Variants in ZNF335 observed in about 807,000 individuals in gnomAD.
The protein encoded by ZNF335 is NRC-interacting factor 1.
Under a neutral mutation model 145.6 loss-of-function variants are expected in ZNF335, and 84 were observed. The observed-to-expected ratio is 0.58, with a 90% CI of 0.48 to 0.69. The LOEUF (loss-of-function observed/expected upper bound fraction) is 0.69. ZNF335 is among the 30% of genes least tolerant of loss of function. The pLI, the probability that ZNF335 is intolerant of heterozygous loss-of-function variation, is 0.00. For missense variants in ZNF335, 1,865 were observed against 1,809.7 expected (o/e 1.03, Z -0.55); for synonymous variants, 761 against 717.0 (o/e 1.06, Z -0.98).
In ZNF335 at chr20:45,952,068, G is replaced by A. The variant is rs867263604; in HGVS notation, c.3189+79C>T. Reference sequence around the variant, plus strand: ...GGAGAGCAGAGGATCTGGCTTGAAAGGGCACTCATTAAAGGTTTGTTATAC... The same window carrying A: ...GGAGAGCAGAGGATCTGGCTTGAAAAGGCACTCATTAAAGGTTTGTTATAC... On this transcript the variant is annotated intron_variant, in intron 20 of 27. Transcript: ENST00000322927. 4 of 1,501,628 alleles carry A rather than the reference G, an allele frequency of 2.7e-6. No homozygotes were observed. In the South Asian group the frequency reaches 4.1e-5, roughly 15 times the overall value. 93.0% of individuals were successfully genotyped at this position (1,501,628 alleles called of 1,614,324 possible).
chr20:45,972,139 A>C lies in ZNF335; in HGVS notation c.-68T>G, dbSNP rs1278023710. On this transcript the variant is annotated 5_prime_UTR_variant, in exon 1 of 28. Coordinates refer to ENST00000322927, the MANE Select transcript of ZNF335 (RefSeq NM_022095.4). ...AAGCTCACCCGAGGCTTTCGTAGCC[A>C]CGTTCCTCTCTGACTCCGGCATCGA... is the stretch of plus-strand genomic sequence containing the variant. 2.3e-6 allele frequency: 3 copies of C among 1,289,238 alleles called. No individual in the cohort carries two copies. The highest frequency in any genetic ancestry group is 2.0e-6 in the Non-Finnish European group (2 of 988,664). 79.9% of individuals were successfully genotyped at this position (1,289,238 alleles called of 1,614,324 possible).
chr20:45,949,642 A>G lies in ZNF335; in HGVS notation c.3670-74T>C. Reference sequence around the variant, plus strand: ...TCGCCAGGAGCTTAGCTAAGAAGGCAGAGTGGAAGACTAGGAACAGCCACC... The same window carrying G: ...TCGCCAGGAGCTTAGCTAAGAAGGCGGAGTGGAAGACTAGGAACAGCCACC... On this transcript the variant is annotated intron_variant, in intron 24 of 27. Coordinates refer to ENST00000322927, the MANE Select transcript of ZNF335 (RefSeq NM_022095.4). 3.3e-6 allele frequency: 5 copies of G among 1,494,136 alleles called. No homozygotes were observed. The South Asian group carries it at 6.0e-5, about 18-fold the overall frequency. The allele number at this position is 1,494,136 out of a possible 1,614,324, so 92.6% of individuals were successfully genotyped here.
At chr20:45,960,409 G>A (rs1337436662) in intron 13 of ZNF335, 40 bp downstream of exon 13, 2 of 1,614,122 alleles carry the variant, frequency 1.2e-6, no homozygotes, top group East Asian at 2.2e-5. Context: ...TAATGAGCTG[G>A]GGACTGCTCC....
At chr20:45,957,777 CCCTGCCCAACTCAGAGGT>C in intron 16 of ZNF335, 40 bp downstream of exon 16, 1 of 1,606,398 alleles carries the variant, frequency 6.2e-7, no homozygotes. Flanking sequence ...CACGACCTGC[CCCTGCCCAACTCAGAGGT>C]CCTACCCTCC....
At chr20:45,963,241 C>A (rs985802338) in intron 9 of ZNF335, among the ~76,000 whole-genome samples, 1 of 152,184 alleles carries the variant, frequency 6.6e-6, no homozygotes, top group Non-Finnish European at 1.5e-5. Flanking sequence ...TGCACTGTGC[C>A]GCCTGCAAAA....
At chr20:45,964,311 C>T (rs2083909469) in intron 7 of ZNF335, 1 of 269,792 alleles carries the variant, frequency 3.7e-6, no homozygotes, top group Admixed American at 4.9e-5. Flanking sequence ...AAAGCCATTC[C>T]TCTCCCGGAG....
At chr20:45,961,871 A>G (rs1341171646) in intron 10 of ZNF335, 199 bp downstream of exon 10, 4 of 506,312 alleles carry the variant, frequency 7.9e-6, no homozygotes, top group Non-Finnish European at 1.4e-5. Flanking sequence ...TGAGCTGGGG[A>G]CCTCAAGGCC....
Position 45,963,885 on chromosome 20 carries a change from A to G in ZNF335, c.1208T>C (p.Met403Thr), listed in dbSNP as rs780755148. Residue 403 changes from methionine to threonine, a missense_variant, in exon 8 of 28, where the codon ATG becomes ACG. Coordinates refer to ENST00000322927, the MANE Select transcript of ZNF335 (RefSeq NM_022095.4). ...SSSGPGHLVA[M>T]GKVSRTPVEA... is the part of the protein sequence containing the mutation. ...CACAGGGGTCCTGCTCACCTTGCCC[A>G]TGGCCACCAGGTGTCCTGGGCCTGA... 5 of 1,604,542 alleles carry G rather than the reference A, an allele frequency of 3.1e-6. No individual in the cohort carries two copies. The highest frequency in any genetic ancestry group is 2.6e-6 in the Non-Finnish European group (3 of 1,174,148).
intron 4 of ZNF335, 104 bp downstream of exon 4, chr20:45,968,181 T>C (rs7352092): frequency 2.0e-6 from 3 of 1,506,616 alleles, no homozygotes; most frequent in Admixed American, 1.7e-5. Flanking sequence ...CCCAGAGCAG[T>C]GGATACCCAG....
chr20:45,953,717 C>T lies in ZNF335; in HGVS notation c.2674G>A (p.Gly892Arg). Residue 892 changes from glycine to arginine, a missense_variant, in exon 18 of 28, where the codon GGA becomes AGA. Coordinates refer to ENST00000322927, the MANE Select transcript of ZNF335 (RefSeq NM_022095.4). Reference sequence around the variant, plus strand: ...TAAGGTGTGCCAGGAGCTGATGTTCCCTCCTCCATAGGGGGTGCTGTGATG... The same window carrying T: ...TAAGGTGTGCCAGGAGCTGATGTTCTCTCCTCCATAGGGGGTGCTGTGATG... ...SVITAPPMEEGTSAPGTPYSE... is the reference protein window; with the variant it reads ...SVITAPPMEERTSAPGTPYSE... 6.2e-7 allele frequency: 1 copy of T among 1,614,084 alleles called. No individual in the cohort carries two copies. Among genetic ancestry groups the T allele is most frequent in the Non-Finnish European group, 8.5e-7 (1 of 1,180,000 alleles).
At position 45,952,389 on chromosome 20, in the gene ZNF335, C is replaced by T. The variant is rs781707819; in HGVS notation, c.2947G>A (p.Val983Ile). 9.4e-6 allele frequency: 15 copies of T among 1,600,022 alleles called. No homozygotes were observed. Among genetic ancestry groups the T allele is most frequent in the South Asian group, 3.4e-5 (3 of 89,468 alleles). The change falls in exon 20 of 28, where the codon GTA becomes ATA. Residue 983 changes from valine to isoleucine, a missense_variant. Physicochemically the swap from Val to Ile is conservative, Grantham distance 29. Transcript: ENST00000322927. ...GAGGCAGAGCTCTGGGAGTCCCCTACGCAGTGGGTCTTGGCTGGAGATGGG... is the reference window on the plus strand; with the variant it reads ...GAGGCAGAGCTCTGGGAGTCCCCTATGCAGTGGGTCTTGGCTGGAGATGGG... ...EPPSPAKTHC[V>I]GDSQSSASSP...
At chr20:45,964,266 C>T (rs897310492) in intron 7 of ZNF335, 28 of 376,752 alleles carry the variant, frequency 7.4e-5, no homozygotes, top group African/African-American at 4.6e-4. Context: ...GTTCCAGGCA[C>T]GGCTCTGTCA....
chr20:45,971,868 C>G, intron 1 of ZNF335: 1 of 985,366 alleles, frequency 1.0e-6, no homozygotes, highest in South Asian at 4.7e-5. Flanking sequence ...GCGGAGGCGG[C>G]TGACAGCGAC....
intron 17 of ZNF335, among the ~76,000 whole-genome samples, chr20:45,957,083 G>A (rs1242712873): frequency 2.6e-5 from 4 of 152,154 alleles, no homozygotes; most frequent in Non-Finnish European, 5.9e-5. Flanking sequence ...AGATGTGAAC[G>A]GGGAGGGCAG....
rs748789205 is a variant in ZNF335 at position 45,967,537 on chromosome 20, G to C, written c.912C>G (p.Asp304Glu). The C allele has an allele frequency of 1.9e-6, 3 of 1,613,914 alleles. No individual in the cohort carries two copies. The East Asian group carries it at 6.7e-5, about 36-fold the overall frequency. The change falls in exon 6 of 28, where the codon GAC becomes GAG. Residue 304 changes from aspartate to glutamate, a missense_variant. By Grantham distance (45) the Asp-to-Glu change is conservative. Transcript: ENST00000322927. ...CTCCAGCGTCTACAATGTCATCATCGTCCTCCTCCTCTGGTCCCTCTTCCT... is the reference window on the plus strand; with the variant it reads ...CTCCAGCGTCTACAATGTCATCATCCTCCTCCTCCTCTGGTCCCTCTTCCT... ...SQEEEGPEEE[D>E]DDDIVDAGAI...
rs78558150 is a variant in ZNF335, at chr20:45,970,350, C to T, written c.202-659G>A. ...GATGACCACTGCTGTGTACTTCTATCACGTGATATACTGAATATGACCATT... is the reference window on the plus strand; with the variant it reads ...GATGACCACTGCTGTGTACTTCTATTACGTGATATACTGAATATGACCATT... On this transcript the variant is annotated intron_variant, in intron 2 of 27. Transcript: ENST00000322927. 9.6e-3 allele frequency: 1,459 copies of T among 152,586 alleles called. 29 individuals are homozygous for T. Among genetic ancestry groups the T allele is most frequent in the East Asian group, 0.061 (318 of 5,192 alleles). The allele number at this position is 152,586 out of a possible 1,614,324, so 9.5% of individuals were successfully genotyped here.
intron 20 of ZNF335, among the ~76,000 whole-genome samples, chr20:45,951,687 C>T (rs2083634757): frequency 2.0e-5 from 3 of 152,220 alleles, no homozygotes; most frequent in Admixed American, 2.0e-4. Context: ...AGTGCTTGCC[C>T]ACCTGCCGCT....
rs748673453 is a variant in ZNF335 at position 45,950,312 on chromosome 20, TCCTC to T, written c.3390_3393del (p.Arg1131SerfsTer20). On this transcript the variant is annotated frameshift_variant, in exon 22 of 28. Transcript: ENST00000322927. LOFTEE classifies it high-confidence loss of function. ...GCCCGGGCTGTAGGGGTTCCTGACT[TCCTC>T]CCATCAGGACTGTGCAGCCGCTGGA... 309 of 1,567,770 alleles carry T rather than the reference TCCTC, an allele frequency of 2.0e-4. 2 individuals carry two copies. Among genetic ancestry groups the T allele is most frequent in the Admixed American group, 5.2e-4 (29 of 55,780 alleles).
intron 11 of ZNF335, 33 bp downstream of exon 11, chr20:45,960,831 G>A (rs776844884): frequency 6.2e-7 from 1 of 1,613,844 alleles, no homozygotes; most frequent in East Asian, 2.2e-5. Flanking sequence ...CCCCCGGGCA[G>A]GTTCCCTTCC....
Sources: allele counts gnomAD v4.1 joint callset (sites outside exome capture counted in the v4.1 genomes callset), GRCh38; gene constraint gnomAD v4.1.1; transcripts MANE v1.5; gene names NCBI Gene and HGNC (gene_info 2026-07-23, HGNC 2026-07-21).